MARCHF1: variants seen among roughly 807,000 people sequenced by gnomAD.
MARCHF1 encodes the protein E3 ubiquitin-protein ligase MARCHF1.
MARCHF1 carries 40 observed loss-of-function variants against 54.2 expected under a neutral mutation model. The ratio of observed to expected loss-of-function variants is 0.74; its 90% CI spans 0.57 to 0.96. The LOEUF is 0.96. Ranked by LOEUF, MARCHF1 falls within the 40% of genes least tolerant of loss-of-function variation. MARCHF1 has a pLI of 0.00. For synonymous variants in MARCHF1, 236 were observed against 236.3 expected, an observed-to-expected ratio of 1.00 and a Z score of 0.01; for missense variants, 586 against 656.5, an observed-to-expected ratio of 0.89 and a Z score of 1.17.
intron 4 of MARCHF1, among the ~76,000 whole-genome samples, chr4:163,742,860 G>A (rs1213255884): frequency 6.6e-6 from 1 of 152,122 alleles, no homozygotes; most frequent in Non-Finnish European, 1.5e-5. Context: ...GATTTTGTTA[G>A]GGGCCAAATA....
intron 1 of MARCHF1, among the ~76,000 whole-genome samples, chr4:164,308,079 G>A (rs1056012451): frequency 3.9e-5 from 6 of 152,178 alleles, no homozygotes; most frequent in African/African-American, 1.4e-4. Flanking sequence ...GTGTATGGGA[G>A]AGGCTGGAAT....
chr4:164,175,407 A>G (rs1730637601), intron 1 of MARCHF1, among the ~76,000 whole-genome samples: 1 of 152,118 alleles, frequency 6.6e-6, no homozygotes, highest in Admixed American at 6.5e-5. Flanking sequence ...TCTCAATACT[A>G]TTTCCTTTAC....
chr4:164,237,923 T>A (rs1461063307), intron 1 of MARCHF1, among the ~76,000 whole-genome samples: 1 of 152,002 alleles, frequency 6.6e-6, no homozygotes, highest in Admixed American at 6.6e-5. Flanking sequence ...AAAGAACAAC[T>A]GATCCATGTG....
At chr4:163,948,254 T>C (rs1199559975) in intron 3 of MARCHF1, among the ~76,000 whole-genome samples, 2 of 152,212 alleles carry the variant, frequency 1.3e-5, no homozygotes, top group Non-Finnish European at 2.9e-5. Context: ...GGTAATATCA[T>C]TAGCTAGACT....
chr4:163,577,830 T>C (rs1371851821), intron 8 of MARCHF1, among the ~76,000 whole-genome samples: 1 of 152,000 alleles, frequency 6.6e-6, no homozygotes, highest in Non-Finnish European at 1.5e-5. Context: ...AAAAGACCAG[T>C]ATTCAAGCTC....
intron 1 of MARCHF1, among the ~76,000 whole-genome samples, chr4:164,176,321 A>G (rs1730661718): frequency 6.6e-6 from 1 of 152,206 alleles, no homozygotes; most frequent in East Asian, 1.9e-4. Context: ...GGTGCTTGCC[A>G]CACGCACAGA....
intron 3 of MARCHF1, among the ~76,000 whole-genome samples, chr4:163,969,076 GT>G (rs1484914616): frequency 1.4e-4 from 22 of 152,174 alleles, no homozygotes; most frequent in Non-Finnish European, 2.9e-5. Flanking sequence ...AGTAAGGTGA[GT>G]TTGGACAGCA....
intron 1 of MARCHF1, among the ~76,000 whole-genome samples, chr4:164,251,097 A>G (rs1039782826): frequency 2.0e-5 from 3 of 152,164 alleles, no homozygotes; most frequent in Admixed American, 6.6e-5. Flanking sequence ...ATCATCACCA[A>G]TGTGCTAGCC....
intron 3 of MARCHF1, among the ~76,000 whole-genome samples, chr4:163,956,212 G>A (rs182914808): frequency 4.0e-4 from 61 of 152,174 alleles, no homozygotes; most frequent in African/African-American, 1.4e-3. Context: ...ATAATAGAAA[G>A]TTAAAAGAAA....
At chr4:163,877,021 T>G (rs965105768) in intron 3 of MARCHF1, among the ~76,000 whole-genome samples, 8 of 152,100 alleles carry the variant, frequency 5.3e-5, no homozygotes, top group Non-Finnish European at 7.4e-5. Flanking sequence ...AGTCCTAATT[T>G]TTGGAAATTT....
chr4:164,322,178 TCA>T (rs1371977982), intron 1 of MARCHF1, among the ~76,000 whole-genome samples: 4 of 152,078 alleles, frequency 2.6e-5, no homozygotes, highest in African/African-American at 4.8e-5. Flanking sequence ...AATATATTAA[TCA>T]TTTACTAAAT....
In MARCHF1 at chr4:164,220,592, T is replaced by TATATATGTAATATATATGCTATATATGC. The variant is rs1560959814; in HGVS notation, c.-322-108958_-322-108931dup. Among the ~76,000 whole-genome samples, 143 of 119,122 alleles carry TATATATGTAATATATATGCTATATATGC rather than the reference T, an allele frequency of 1.2e-3. 2 individuals are homozygous for TATATATGTAATATATATGCTATATATGC. Among genetic ancestry groups the TATATATGTAATATATATGCTATATATGC allele is most frequent in the African/African-American group, 3.8e-3 (119 of 31,610 alleles). 78.1% of individuals were successfully genotyped at this position (119,122 alleles called of 152,430 possible). A position where few individuals can be genotyped will look rare whatever the true frequency, so the allele number is the denominator to read the frequency against. On this transcript the variant is annotated intron_variant, in intron 1 of 9. Coordinates refer to ENST00000514618, the MANE Select transcript of MARCHF1 (RefSeq NM_001394959.1). ...ATATATGTAATACATATGATATATG[T>TATATATGTAATATATATGCTATATATGC]ATATATGTAATATATATGCTATATA...
At chr4:164,302,267 G>A (rs1470640222) in intron 1 of MARCHF1, among the ~76,000 whole-genome samples, 1 of 152,056 alleles carries the variant, frequency 6.6e-6, no homozygotes, top group Non-Finnish European at 1.5e-5. Flanking sequence ...GGCTTCTTAT[G>A]GGCTATTTTT....
intron 2 of MARCHF1, among the ~76,000 whole-genome samples, chr4:164,020,400 G>T (rs1171361658): frequency 1.3e-5 from 2 of 152,202 alleles, no homozygotes; most frequent in South Asian, 2.1e-4. Flanking sequence ...ATGTGTGGCA[G>T]AAATATATCC....
intron 4 of MARCHF1, among the ~76,000 whole-genome samples, chr4:163,835,236 C>A (rs536699116): frequency 1.7e-4 from 26 of 152,118 alleles, no homozygotes; most frequent in African/African-American, 6.3e-4. Context: ...ATCATAACTA[C>A]CAGGATAGCA....
chr4:164,197,126 C>A, intron 1 of MARCHF1: 1 of 1,606,388 alleles, frequency 6.2e-7, no homozygotes. Context: ...ACGTCCTCCT[C>A]TTCACCTTCC....
intron 1 of MARCHF1, among the ~76,000 whole-genome samples, chr4:164,126,172 A>G (rs1243110547): frequency 1.3e-5 from 2 of 152,144 alleles, no homozygotes; most frequent in African/African-American, 2.4e-5. Flanking sequence ...AAATCTAATT[A>G]CCAATGTGAT....
At chr4:164,150,309 G>A (rs1729896195) in intron 1 of MARCHF1, among the ~76,000 whole-genome samples, 1 of 152,092 alleles carries the variant, frequency 6.6e-6, no homozygotes, top group African/African-American at 2.4e-5. Context: ...CAAAAGTAAA[G>A]CACTAATTTC....
At chr4:163,710,569 T>G (rs1745078676) in intron 4 of MARCHF1, among the ~76,000 whole-genome samples, 1 of 152,176 alleles carries the variant, frequency 6.6e-6, no homozygotes. Flanking sequence ...TACTGATAAA[T>G]GAGTTGCCAT....
Sources: gnomAD v4.1 joint callset for allele counts (sites outside exome capture counted in the v4.1 genomes callset) on GRCh38, gnomAD v4.1.1 for gene constraint, MANE v1.5 for transcripts, NCBI Gene and HGNC (gene_info 2026-07-23, HGNC 2026-07-21) for gene names.